VSX1: variants seen among roughly 807,000 people sequenced by gnomAD.
VSX1 encodes homeodomain protein RINX.
In VSX1, 23 loss-of-function variants were observed where a neutral mutation model predicts 23.6. The observed-to-expected ratio is 0.97, with a 90% CI of 0.70 to 1.38. The LOEUF is 1.38. Among genes scored for constraint, VSX1 ranks in the 40% most tolerant of loss-of-function variants. The pLI, the probability that VSX1 is intolerant of heterozygous loss-of-function variation, is 0.00. For missense variants in VSX1, 517 were observed against 495.4 expected (o/e 1.04, Z -0.41); for synonymous variants, 247 against 215.1 (o/e 1.15, Z -1.30).
Position 25,075,975 on chromosome 20 carries a change from T to C in VSX1, c.*286A>G, listed in dbSNP as rs1259845434. On this transcript the variant is annotated 3_prime_UTR_variant, in exon 5 of 5. Coordinates refer to ENST00000376709, the MANE Select transcript of VSX1 (RefSeq NM_014588.6). Reference sequence around the variant, plus strand: ...ATGATGCCCAGCAGTGAAATCATTTTTGAACTTCGGATCCTCCCTGCTCAA... The same window carrying C: ...ATGATGCCCAGCAGTGAAATCATTTCTGAACTTCGGATCCTCCCTGCTCAA... 1.7e-5 allele frequency: 8 copies of C among 481,808 alleles called. No homozygotes were observed. The highest frequency in any genetic ancestry group is 2.6e-5 in the Non-Finnish European group (7 of 265,186). The allele number at this position is 481,808 out of a possible 1,614,324, so 29.8% of individuals were successfully genotyped here.
downstream of VSX1, among the ~76,000 whole-genome samples, chr20:25,073,863 C>T (rs1024296992): frequency 2.0e-5 from 3 of 152,170 alleles, no homozygotes; most frequent in Non-Finnish European, 4.4e-5. Flanking sequence ...CGGTGGTCCT[C>T]TGTGGGGCGT....
intron 1 of VSX1, 164 bp downstream of exon 1, chr20:25,081,509 C>A: frequency 9.4e-7 from 1 of 1,067,258 alleles, no homozygotes; most frequent in Non-Finnish European, 1.4e-6. Context: ...GGGCAGGCGG[C>A]GCAGCTCCGC....
intron 1 of VSX1, among the ~76,000 whole-genome samples, chr20:25,080,145 AC>A (rs2089609418): frequency 6.6e-6 from 1 of 152,196 alleles, no homozygotes; most frequent in South Asian, 2.1e-4. Context: ...ACTGTGCTTT[AC>A]CTTTTTATAT....
downstream of VSX1, among the ~76,000 whole-genome samples, chr20:25,074,022 G>A (rs1396843594): frequency 1.3e-5 from 2 of 152,108 alleles, no homozygotes; most frequent in African/African-American, 4.8e-5. Context: ...ATTATTCCAT[G>A]ATTTATTTTG....
At chr20:25,071,138 G>T (rs8122926), downstream of VSX1, 6,551 of 454,066 alleles carry the variant, frequency 0.014, 341 homozygotes, top group African/African-American at 0.12. Flanking sequence ...TCAGTAAGAG[G>T]AATCAGGGCA....
At chr20:25,071,784 T>A (rs576195110), downstream of VSX1, 1 of 702,334 alleles carries the variant, frequency 1.4e-6, no homozygotes, top group African/African-American at 1.7e-5. Flanking sequence ...TCCTTGCACA[T>A]GGGGTGCCCT....
intron 3 of VSX1, 154 bp from the exon 4 acceptor site, chr20:25,078,019 C>A (rs983080730): frequency 9.3e-6 from 10 of 1,078,258 alleles, no homozygotes; most frequent in Non-Finnish European, 1.4e-5. Context: ...GGCCAACCAG[C>A]CGCCCTCAGG....
chr20:25,077,460 G>T (rs558366702), intron 4 of VSX1, among the ~76,000 whole-genome samples: 1 of 152,234 alleles, frequency 6.6e-6, no homozygotes, highest in Non-Finnish European at 1.5e-5. Context: ...GCATAGCCCG[G>T]TGAGACTTCC....
rs1415083249 is a variant in VSX1 at position 25,081,837 on chromosome 20, C to A, written c.260G>T (p.Gly87Val). 1.3e-6 allele frequency: 2 copies of A among 1,516,896 alleles called. No homozygotes were observed. Among genetic ancestry groups the A allele is most frequent in the Non-Finnish European group, 1.8e-6 (2 of 1,140,378 alleles). The allele number at this position is 1,516,896 out of a possible 1,614,324, so 94.0% of individuals were successfully genotyped here. The change falls in exon 1 of 5, where the codon GGC (glycine) becomes GTC (valine). Residue 87 changes from glycine (G) to valine (V), a missense_variant. Gly to Val is a moderately radical substitution (Grantham distance 109). Coordinates refer to ENST00000376709, the MANE Select transcript of VSX1 (RefSeq NM_014588.6). ...GGCCGCCGGCGGCTGCGTGCCGAAG[C>A]CACAGAGGAGGCCGAGTCCCAGCGG... is the stretch of plus-strand genomic sequence containing the variant. ...ALPLGLGLLCGFGTQPPAAAR... is the reference protein window; with the variant it reads ...ALPLGLGLLCVFGTQPPAAAR...
At chr20:25,079,844 C>CA (rs1409723582) in intron 1 of VSX1, among the ~76,000 whole-genome samples, 1 of 152,088 alleles carries the variant, frequency 6.6e-6, no homozygotes, top group Non-Finnish European at 1.5e-5. Flanking sequence ...GTTGAGAATT[C>CA]AAATCCCAGA....
Position 25,075,550 on chromosome 20 carries a change from C to T in VSX1, c.*711G>A, listed in dbSNP as rs1467450749. The T allele has an allele frequency of 6.6e-6, 1 of 152,486 alleles. No homozygotes were observed. Among genetic ancestry groups the T allele is most frequent in the Non-Finnish European group, 1.5e-5 (1 of 68,050 alleles). The allele number at this position is 152,486 out of a possible 1,614,324, so 9.4% of individuals were successfully genotyped here. ...GGAAAGATTTACAAAATCCAAGTCA[C>T]TAAAGTGCTTTCAATCACAAATTTT... On this transcript the variant is annotated 3_prime_UTR_variant, in exon 5 of 5. Coordinates refer to ENST00000376709, the MANE Select transcript of VSX1 (RefSeq NM_014588.6).
In VSX1 at chr20:25,077,902, G is replaced by C. The variant is rs916517504; in HGVS notation, c.628-37C>G. On this transcript the variant is annotated intron_variant, in intron 3 of 4. Transcript: ENST00000376709. ...CAGGAGAAGCAGAAGGCACACAGAA[G>C]AGACAGTGAAGAGGGGCGCCTGGAG... is the stretch of plus-strand genomic sequence containing the variant. 2.6e-6 allele frequency: 4 copies of C among 1,549,846 alleles called. No homozygotes were observed. In the African/African-American group the frequency reaches 5.5e-5, roughly 21 times the overall value.
downstream of VSX1, chr20:25,072,069 G>C: frequency 3.3e-6 from 2 of 608,842 alleles, no homozygotes; most frequent in South Asian, 2.1e-5. Flanking sequence ...TATGTAGATA[G>C]AAAGAGAGAG....
chr20:25,079,604 C>G (rs1044149530), intron 1 of VSX1, 90 bp from the exon 2 acceptor site: 30 of 1,377,530 alleles, frequency 2.2e-5, no homozygotes, highest in Non-Finnish European at 2.8e-5. Context: ...AGTTATGAAC[C>G]TCTTGGGTAC....
chr20:25,076,581 T>A, intron 4 of VSX1, 31 bp from the exon 5 acceptor site: 1 of 1,564,668 alleles, frequency 6.4e-7, no homozygotes, highest in South Asian at 1.2e-5. Flanking sequence ...AAGGAAAAAA[T>A]AAAAATAAAA....
rs2089469201 is a variant in VSX1, at chr20:25,075,527, A to G, written c.*734T>C. ...AATGGCAAAGGAAACGCAGGAAAGG[A>G]AAGATTTACAAAATCCAAGTCACTA... is the stretch of plus-strand genomic sequence containing the variant. On this transcript the variant is annotated 3_prime_UTR_variant, in exon 5 of 5. Coordinates refer to ENST00000376709, the MANE Select transcript of VSX1 (RefSeq NM_014588.6). 6.6e-6 allele frequency: 1 copy of G among 152,472 alleles called. No homozygotes were observed. The highest frequency in any genetic ancestry group is 1.5e-5 in the Non-Finnish European group (1 of 68,056). 9.4% of individuals were successfully genotyped at this position (152,472 alleles called of 1,614,324 possible).
In VSX1 at chr20:25,076,030, C is replaced by G; in HGVS notation, c.*231G>C. 3.3e-6 allele frequency: 2 copies of G among 598,576 alleles called. No individual in the cohort carries two copies. Among genetic ancestry groups the G allele is most frequent in the East Asian group, 2.9e-5 (1 of 34,038 alleles). The allele number at this position is 598,576 out of a possible 1,614,324, so 37.1% of individuals were successfully genotyped here. A position where few individuals can be genotyped will look rare whatever the true frequency, so the allele number is the denominator to read the frequency against. On this transcript the variant is annotated 3_prime_UTR_variant, in exon 5 of 5. Coordinates refer to ENST00000376709, the MANE Select transcript of VSX1 (RefSeq NM_014588.6). The stretch of plus-strand genomic sequence containing the variant: ...CAAAAGAGAATCAAAAGTTTTGCAC[C>G]AAGTTAACTGGTTAAAGTGCCATTA...
downstream of VSX1, among the ~76,000 whole-genome samples, chr20:25,072,317 C>G (rs555356688): frequency 3.5e-4 from 53 of 152,236 alleles, no homozygotes; most frequent in African/African-American, 1.3e-3. Flanking sequence ...GGTACAGGTC[C>G]AATTGTATGT....
downstream of VSX1, among the ~76,000 whole-genome samples, chr20:25,073,912 G>C (rs570918578): frequency 1.1e-4 from 17 of 152,304 alleles, no homozygotes; most frequent in South Asian, 3.3e-3. Flanking sequence ...GCCAGGGAGA[G>C]AGCAGCCCAA....
Sources: allele counts gnomAD v4.1 joint callset (sites outside exome capture counted in the v4.1 genomes callset), GRCh38; gene constraint gnomAD v4.1.1; transcripts MANE v1.5; gene names NCBI Gene and HGNC (gene_info 2026-07-23, HGNC 2026-07-21).